CUEDC1: variants seen among roughly 807,000 people sequenced by gnomAD.
The protein encoded by CUEDC1 is CUE domain containing 1, also known as CUE domain-containing protein 1.
A neutral mutation model predicts 43.7 loss-of-function variants in CUEDC1; 30 were observed. The ratio of observed to expected loss-of-function variants is 0.69; its 90% CI spans 0.51 to 0.93. The LOEUF is 0.93. Ranked by LOEUF, CUEDC1 falls within the 40% of genes least tolerant of loss-of-function variation. The pLI, the probability that CUEDC1 is intolerant of heterozygous loss-of-function variation, is 0.00. For missense variants in CUEDC1, 486 were observed against 549.0 expected, an observed-to-expected ratio of 0.89 and a Z score of 1.15; for synonymous variants, 223 against 223.6, an observed-to-expected ratio of 1.00 and a Z score of 0.02.
Position 57,955,231 on chromosome 17 carries a change from G to A in CUEDC1, c.-322C>T, listed in dbSNP as rs928343779. 3 of 145,388 alleles carry A rather than the reference G, an allele frequency of 2.1e-5. No individual in the cohort carries two copies. Among genetic ancestry groups the A allele is most frequent in the African/African-American group, 7.4e-5 (3 of 40,464 alleles). 9.0% of individuals were successfully genotyped at this position (145,388 alleles called of 1,614,324 possible). ...GGGAGCGCGGGGGTCTTACCGGGCAGCGCCACGCGCGTCCGCTCCGCGCGG... is the reference window on the plus strand; with the variant it reads ...GGGAGCGCGGGGGTCTTACCGGGCAACGCCACGCGCGTCCGCTCCGCGCGG... On this transcript the variant is annotated 5_prime_UTR_variant, in exon 1 of 11. Transcript: ENST00000577830. This position sits in a 1 kb window ranked among gnomAD's most constrained non-coding sequence, Gnocchi z 5.3.
At chr17:57,872,376 A>G (rs1004649193) in intron 5 of CUEDC1, among the ~76,000 whole-genome samples, 2 of 152,220 alleles carry the variant, frequency 1.3e-5, no homozygotes, top group African/African-American at 4.8e-5. Flanking sequence ...CCTTGTGCCA[A>G]GGCCAGTGCC....
intron 1 of CUEDC1, among the ~76,000 whole-genome samples, chr17:57,886,535 G>A (rs2074292463): frequency 6.6e-6 from 1 of 152,192 alleles, no homozygotes; most frequent in Non-Finnish European, 1.5e-5. Context: ...CAGAGCCTCG[G>A]GCTAATAGGG....
At chr17:57,877,782 G>T (rs1374502971) in intron 3 of CUEDC1, among the ~76,000 whole-genome samples, 1 of 151,698 alleles carries the variant, frequency 6.6e-6, no homozygotes, top group African/African-American at 2.4e-5. Context: ...CTACTCGGGA[G>T]GCTGAGGCAG....
chr17:57,866,382 G>A (rs1597965405), intron 10 of CUEDC1, 92 bp downstream of exon 10: 13 of 1,219,148 alleles, frequency 1.1e-5, no homozygotes, highest in Non-Finnish European at 9.5e-6. Context: ...TGAGCCCAGC[G>A]CCTCTGGACA....
chr17:57,949,704 C>T (rs1211638921), intron 1 of CUEDC1, among the ~76,000 whole-genome samples: 1 of 151,338 alleles, frequency 6.6e-6, no homozygotes, highest in African/African-American at 2.4e-5. Flanking sequence ...TCCTGAGTAG[C>T]TGGGACTACA....
intron 1 of CUEDC1, among the ~76,000 whole-genome samples, chr17:57,912,669 A>G (rs2074596340): frequency 6.6e-6 from 1 of 152,226 alleles, no homozygotes; most frequent in Non-Finnish European, 1.5e-5. Flanking sequence ...GAATAAAGGG[A>G]GAGTAAAAAA....
At chr17:57,904,780 G>A (rs1052268125) in intron 1 of CUEDC1, among the ~76,000 whole-genome samples, 2 of 152,140 alleles carry the variant, frequency 1.3e-5, no homozygotes, top group East Asian at 1.9e-4. Context: ...GAGTGGGGGG[G>A]CCTCATTCCC....
chr17:57,869,201 G>A lies in CUEDC1; in HGVS notation c.869-8C>T. 1.9e-6 allele frequency: 3 copies of A among 1,613,076 alleles called. No individual in the cohort carries two copies. The highest frequency in any genetic ancestry group is 2.5e-6 in the Non-Finnish European group (3 of 1,179,468). ...GGTTGGCGTCGCCAGTTCCTGGAAG[G>A]AGACACCTGCTGAAGGCCGGCCACC... On this transcript the variant is annotated splice_polypyrimidine_tract_variant and splice_region_variant and intron_variant, in intron 6 of 10. Transcript: ENST00000577830.
chr17:57,922,046 G>C (rs1164020745), intron 1 of CUEDC1, among the ~76,000 whole-genome samples: 1 of 152,168 alleles, frequency 6.6e-6, no homozygotes. Context: ...CCAGGAGGTG[G>C]AGGTTGCAGT....
chr17:57,933,296 T>A (rs562575930), intron 1 of CUEDC1, among the ~76,000 whole-genome samples: 11 of 150,558 alleles, frequency 7.3e-5, no homozygotes, highest in African/African-American at 2.7e-4. Flanking sequence ...TCTGTAACTT[T>A]ATATAGCCTT....
intron 1 of CUEDC1, among the ~76,000 whole-genome samples, chr17:57,938,190 C>A (rs1474037175): frequency 1.3e-5 from 2 of 152,282 alleles, no homozygotes; most frequent in African/African-American, 4.8e-5. Context: ...GTCTAGGGAC[C>A]AAAGTGCCAT....
At chr17:57,901,945 A>C (rs2074476411) in intron 1 of CUEDC1, among the ~76,000 whole-genome samples, 1 of 152,196 alleles carries the variant, frequency 6.6e-6, no homozygotes, top group Admixed American at 6.5e-5. Context: ...AGGCCGAGGC[A>C]GGCTAATCAC....
chr17:57,883,815 G>A (rs2074249152), intron 2 of CUEDC1, among the ~76,000 whole-genome samples: 1 of 152,182 alleles, frequency 6.6e-6, no homozygotes, highest in Non-Finnish European at 1.5e-5. Context: ...AATAAAGAGT[G>A]GAGTTAAATC....
intron 1 of CUEDC1, among the ~76,000 whole-genome samples, chr17:57,953,086 C>T (rs1324087877): frequency 6.6e-6 from 1 of 152,166 alleles, no homozygotes; most frequent in African/African-American, 2.4e-5. Flanking sequence ...GACAATTCTG[C>T]CCCAAGACCT....
At chr17:57,929,850 G>A in intron 1 of CUEDC1, among the ~76,000 whole-genome samples, 1 of 152,096 alleles carries the variant, frequency 6.6e-6, no homozygotes, top group East Asian at 1.9e-4. Context: ...TGCCCAGGCT[G>A]GAGTGCAGTG....
At chr17:57,940,877 A>C (rs8065352) in intron 1 of CUEDC1, among the ~76,000 whole-genome samples, 1,956 of 152,322 alleles carry the variant, frequency 0.013, 29 homozygotes, top group African/African-American at 0.03. Flanking sequence ...ACAGTTCTAC[A>C]GGTGCAAAGC....
intron 10 of CUEDC1, among the ~76,000 whole-genome samples, chr17:57,863,747 G>T (rs1029429181): frequency 6.6e-6 from 1 of 152,096 alleles, no homozygotes; most frequent in African/African-American, 2.4e-5. Context: ...AGTGGCTCAC[G>T]CCTGTAATCT....
chr17:57,933,659 T>G (rs2074831661), intron 1 of CUEDC1, among the ~76,000 whole-genome samples: 1 of 152,128 alleles, frequency 6.6e-6, no homozygotes, highest in East Asian at 1.9e-4. Flanking sequence ...CAGGGCTAGG[T>G]ATACTCATAC....
intron 1 of CUEDC1, among the ~76,000 whole-genome samples, chr17:57,942,151 C>A (rs577229331): frequency 6.6e-6 from 1 of 152,074 alleles, no homozygotes; most frequent in Non-Finnish European, 1.5e-5. Flanking sequence ...GATGTGCTCC[C>A]GGCCTCCCGG....
Sources: gnomAD v4.1 joint callset for allele counts (sites outside exome capture counted in the v4.1 genomes callset) on GRCh38, gnomAD v4.1.1 for gene constraint, Gnocchi (gnomAD v3.1) non-coding constraint, MANE v1.5 for transcripts, NCBI Gene and HGNC (gene_info 2026-07-23, HGNC 2026-07-21) for gene names.